ZNF839: variants seen among roughly 807,000 people sequenced by gnomAD.
ZNF839 encodes zinc finger protein 839.
ZNF839 carries 38 observed loss-of-function variants against 56.4 expected under a neutral mutation model. The ratio of observed to expected loss-of-function variants is 0.67; its 90% CI spans 0.52 to 0.88. ZNF839 has a LOEUF of 0.88. Among genes scored for constraint, ZNF839 ranks in the 40% least tolerant of loss-of-function variants. ZNF839 has a pLI of 0.00. For missense variants in ZNF839, 1,091 were observed against 1,177.6 expected, an observed-to-expected ratio of 0.93 and a Z score of 1.08; for synonymous variants, 486 against 493.5, an observed-to-expected ratio of 0.98 and a Z score of 0.20.
At chr14:102,324,673 ACT>A (rs1345695546) in intron 1 of ZNF839, among the ~76,000 whole-genome samples, 4 of 143,726 alleles carry the variant, frequency 2.8e-5, no homozygotes, top group African/African-American at 1.0e-4. Flanking sequence ...ACAGAACGAG[ACT>A]CCATCTCAAA....
intron 3 of ZNF839, 119 bp downstream of exon 3, chr14:102,331,965 G>A: frequency 2.5e-6 from 2 of 815,004 alleles, no homozygotes; most frequent in Non-Finnish European, 3.8e-6. Context: ...TTAAGTGTGT[G>A]ATGATGCCAA....
chr14:102,338,442 G>A (rs1886094219), intron 5 of ZNF839, among the ~76,000 whole-genome samples: 1 of 150,072 alleles, frequency 6.7e-6, no homozygotes, highest in South Asian at 2.1e-4. Context: ...GGAGGCTGAA[G>A]CAGGAGAATC....
At chr14:102,338,748 T>C (rs1683808509) in intron 5 of ZNF839, 68 bp from the exon 6 acceptor site, 2 of 1,596,842 alleles carry the variant, frequency 1.3e-6, no homozygotes, top group African/African-American at 1.3e-5. Flanking sequence ...AATTCTTGCA[T>C]GTGAATGTGC....
At chr14:102,331,389 C>T in intron 2 of ZNF839, 1 of 430,220 alleles carries the variant, frequency 2.3e-6, no homozygotes, top group South Asian at 2.5e-5. Flanking sequence ...GCCAGGACTA[C>T]AGGCGCGCGC....
In ZNF839 at chr14:102,327,542, C is replaced by T. The variant is rs368314200; in HGVS notation, c.1191+655C>T. 2.6e-5 allele frequency among the ~76,000 whole-genome samples: 4 copies of T among 152,312 alleles called. No homozygotes were observed. The East Asian group carries it at 7.7e-4, about 29-fold the overall frequency. On this transcript the variant is annotated intron_variant, in intron 2 of 7. Transcript: ENST00000442396. ...CCCATGATCCAGCAGTCACCTCCCA[C>T]CAGGTCCCACCTCTAACTTTGGAGA...
At position 102,331,792 on chromosome 14, in the gene ZNF839, C is replaced by T. The variant is rs1567291690; in HGVS notation, c.1362C>T (p.Gly454=). 1 of 1,594,852 alleles carries T rather than the reference C, an allele frequency of 6.3e-7. No individual in the cohort carries two copies. Among genetic ancestry groups the T allele is most frequent in the Non-Finnish European group, 8.5e-7 (1 of 1,171,554 alleles). The change falls in exon 3 of 8, where the codon GGC becomes GGT. Residue 454 remains glycine (G), a synonymous_variant. Transcript: ENST00000442396. The part of the protein sequence containing the change: ...QQRRAAQLPG[G]PAAAGEQRAS... Reference sequence around the variant, plus strand: ...GAAGAGCTGCTCAGCTACCTGGTGGCCCTGCTGCGGCAGGGGAGCAGAGGG... The same window carrying T: ...GAAGAGCTGCTCAGCTACCTGGTGGTCCTGCTGCGGCAGGGGAGCAGAGGG...
Position 102,341,905 on chromosome 14 carries a change from T to C in ZNF839, c.2510T>C (p.Leu837Pro). 6.2e-7 allele frequency: 1 copy of C among 1,614,014 alleles called. No homozygotes were observed. The highest frequency in any genetic ancestry group is 1.6e-4 in the Middle Eastern group (1 of 6,062). ...GGATCACTATTGACTGAAGGGTGTC[T>C]CAGAAGCCTTTCGGGGGACTTGAAC... ...PHGSLLTEGC[L>P]RSLSGDLNRF... The change falls in exon 8 of 8, where the codon CTC becomes CCC. Residue 837 changes from leucine to proline, a missense_variant. Leu to Pro is a moderately conservative substitution (Grantham distance 98, BLOSUM62 -3). This residue lies in a region of ZNF839 where 431 missense variants were observed against 468.0 expected (regional missense o/e 0.92). Transcript: ENST00000442396.
At chr14:102,320,703 AC>A (rs1423843790) in intron 1 of ZNF839, among the ~76,000 whole-genome samples, 1 of 152,174 alleles carries the variant, frequency 6.6e-6, no homozygotes, top group Non-Finnish European at 1.5e-5. Context: ...TGCCTGATAC[AC>A]AATGTTTGGA....
At position 102,341,728 on chromosome 14, in the gene ZNF839, TC is replaced by T; in HGVS notation, c.2335del (p.His779ThrfsTer2). 2 of 1,613,986 alleles carry T rather than the reference TC, an allele frequency of 1.2e-6. No individual in the cohort carries two copies. Among genetic ancestry groups the T allele is most frequent in the African/African-American group, 1.3e-5 (1 of 75,032 alleles). On this transcript the variant is annotated frameshift_variant, in exon 8 of 8. Transcript: ENST00000442396. LOFTEE classifies it low-confidence loss of function (END_TRUNC). ...GGACACCTCGGCAAGGTTTGTGACT[TC>T]CACCTGAACCACCAGCAGCCCAGCC... is the stretch of plus-strand genomic sequence containing the variant. ...EAGHLGKVCDFHLNHQQPSPT... is the reference protein window; with the variant it reads ...EAGHLGKVCDXHLNHQQPSPT...
In ZNF839 at chr14:102,320,022, C is replaced by A; in HGVS notation, c.257C>A (p.Pro86His). 1 of 1,180,922 alleles carries A rather than the reference C, an allele frequency of 8.5e-7. No homozygotes were observed. The highest frequency in any genetic ancestry group is 3.6e-5 in the East Asian group (1 of 27,670). 73.2% of individuals were successfully genotyped at this position (1,180,922 alleles called of 1,614,324 possible). Reference protein sequence around the residue: ...AALQRGRGTEPPRLPRLLPPQ... With the variant: ...AALQRGRGTEHPRLPRLLPPQ... Reference sequence around the variant, plus strand: ...CTGCAGCGGGGCCGGGGCACCGAGCCCCCGCGCCTGCCGCGCCTGCTCCCG... The same window carrying A: ...CTGCAGCGGGGCCGGGGCACCGAGCACCCGCGCCTGCCGCGCCTGCTCCCG... The change falls in exon 1 of 8, where the codon CCC becomes CAC. Residue 86 changes from proline (P) to histidine (H), a missense_variant. Pro to His is a moderately conservative substitution (Grantham distance 77). This residue lies in a region of ZNF839 where 614 missense variants were observed against 629.2 expected (regional missense o/e 0.98). Transcript: ENST00000442396.
In ZNF839 at chr14:102,326,891, A is replaced by G; in HGVS notation, c.1191+4A>G. On this transcript the variant is annotated splice_donor_region_variant and intron_variant, in intron 2 of 7. Transcript: ENST00000442396. This position sits in a 1 kb window ranked among gnomAD's most constrained non-coding sequence, Gnocchi z 4.3. ...GTCAGCACGCGGTGGCCTGCAGGTA[A>G]TGTTTCTGTCTGGGTATGTGTCTTT... 17 of 1,589,058 alleles carry G rather than the reference A, an allele frequency of 1.1e-5. No homozygotes were observed. Among genetic ancestry groups the G allele is most frequent in the Non-Finnish European group, 1.5e-5 (17 of 1,164,912 alleles).
intron 1 of ZNF839, among the ~76,000 whole-genome samples, chr14:102,321,040 G>A (rs1218130560): frequency 1.3e-5 from 2 of 152,222 alleles, no homozygotes; most frequent in African/African-American, 4.8e-5. Context: ...GCTGCTTAGG[G>A]TTGTATCCAG....
chr14:102,334,573 G>C lies in ZNF839; in HGVS notation c.1436G>C (p.Arg479Pro), dbSNP rs748007284. 1 of 1,611,308 alleles carries C rather than the reference G, an allele frequency of 6.2e-7. No homozygotes were observed. The highest frequency in any genetic ancestry group is 2.2e-5 in the East Asian group (1 of 44,834). The change falls in exon 4 of 8, where the codon CGG (arginine) becomes CCG (proline). Residue 479 changes from arginine (R) to proline (P), a missense_variant. Physicochemically the swap from Arg to Pro is moderately radical, Grantham distance 103. Coordinates refer to ENST00000442396, the MANE Select transcript of ZNF839 (RefSeq NM_018335.6). Reference sequence around the variant, plus strand: ...TGGTAGTTCCTCCAGCAGTGTGACCGGGAGGATCTGGTGGAATTGGCTCTG... The same window carrying C: ...TGGTAGTTCCTCCAGCAGTGTGACCCGGAGGATCTGGTGGAATTGGCTCTG... ...RLKEFLQQCD[R>P]EDLVELALPQ...
rs570149209 is a variant in ZNF839, at chr14:102,329,955, A to G, written c.1192-1667A>G. ...ATTACAGGTGCCCACCATCATGCCC[A>G]GCTAATTTTTTGTATTTTTAGTAGA... On this transcript the variant is annotated intron_variant, in intron 2 of 7. Coordinates refer to ENST00000442396, the MANE Select transcript of ZNF839 (RefSeq NM_018335.6). Among the ~76,000 whole-genome samples, 11 of 151,112 alleles carry G rather than the reference A, an allele frequency of 7.3e-5. 1 individual carries two copies. In the South Asian group the frequency reaches 2.1e-3, roughly 29 times the overall value.
intron 1 of ZNF839, among the ~76,000 whole-genome samples, chr14:102,322,453 G>C (rs1365786280): frequency 6.6e-6 from 1 of 152,184 alleles, no homozygotes; most frequent in African/African-American, 2.4e-5. Context: ...AAAGTATCAA[G>C]CATAATACCC....
intron 1 of ZNF839, among the ~76,000 whole-genome samples, chr14:102,321,809 G>C (rs1340590293): frequency 6.6e-6 from 1 of 152,134 alleles, no homozygotes; most frequent in African/African-American, 2.4e-5. Flanking sequence ...AGATTTGAAA[G>C]GGTGCGTCTG....
intron 2 of ZNF839, among the ~76,000 whole-genome samples, chr14:102,330,422 C>T (rs1270427187): frequency 3.3e-5 from 5 of 151,598 alleles, no homozygotes; most frequent in African/African-American, 1.2e-4. Flanking sequence ...TTAGTAGAGA[C>T]GGGGTTTTAC....
chr14:102,329,715 GTGTGTGTGTGTA>G (rs989278821), intron 2 of ZNF839, among the ~76,000 whole-genome samples: 5 of 148,468 alleles, frequency 3.4e-5, no homozygotes, highest in Admixed American at 1.3e-4. Flanking sequence ...TTGTGTGTGT[GTGTGTGTGTGTA>G]TGTGTGTGTG....
rs780955426 is a variant in ZNF839, at chr14:102,326,083, A to G, written c.387A>G (p.Arg129=). Reference sequence around the variant, plus strand: ...CCACAATCCAGCCCCAAACTGCAAGAAAGAGCCAGCTGCCCCGGGGGAATT... The same window carrying G: ...CCACAATCCAGCCCCAAACTGCAAGGAAGAGCCAGCTGCCCCGGGGGAATT... ...LPTTIQPQTA[R]KSQLPRGNSC... Residue 129 remains arginine, a synonymous_variant, in exon 2 of 8, where the codon AGA becomes AGG. Coordinates refer to ENST00000442396, the MANE Select transcript of ZNF839 (RefSeq NM_018335.6). The surrounding 1 kb of genome is among the most constrained non-coding windows in gnomAD (Gnocchi z 4.3). 5.0e-6 allele frequency: 8 copies of G among 1,613,982 alleles called. No homozygotes were observed. The highest frequency in any genetic ancestry group is 1.7e-5 in the Admixed American group (1 of 60,016).
Sources: gnomAD v4.1 joint callset for allele counts (sites outside exome capture counted in the v4.1 genomes callset) on GRCh38, gnomAD v4.1.1 for gene constraint, gnomAD v4.1.1 regional missense constraint, Gnocchi (gnomAD v3.1) non-coding constraint, MANE v1.5 for transcripts, NCBI Gene and HGNC (gene_info 2026-07-23, HGNC 2026-07-21) for gene names.